The following BTBD9 variants were observed in gnomAD, a reference collection of about 807,000 sequenced individuals.
BTBD9 encodes the protein BTB/POZ domain-containing protein 9.
A neutral mutation model predicts 64.3 loss-of-function variants in BTBD9; 49 were observed. The ratio of observed to expected loss-of-function variants is 0.76; its 90% CI spans 0.61 to 0.97. The LOEUF is 0.97. Ranked by LOEUF, BTBD9 falls within the 50% of genes least tolerant of loss-of-function variation. The probability of loss-of-function intolerance (pLI) is 0.00; values close to 1 mark genes in which losing one functional copy is unlikely to be tolerated. For missense variants in BTBD9, 598 were observed against 762.1 expected (o/e 0.78, Z 2.53); for synonymous variants, 260 against 274.7 (o/e 0.95, Z 0.53).
intron 8 of BTBD9, among the ~76,000 whole-genome samples, chr6:38,269,648 G>A (rs957404741): frequency 6.6e-6 from 1 of 152,102 alleles, no homozygotes; most frequent in South Asian, 2.1e-4. Context: ...CCCAGGCAAA[G>A]GCTCTGCAAA....
chr6:38,256,664 G>C (rs1312730104), intron 8 of BTBD9, 148 bp from the exon 9 acceptor site: 19 of 588,262 alleles, frequency 3.2e-5, no homozygotes, highest in South Asian at 2.6e-4. Flanking sequence ...AGTATGAAGA[G>C]AACAGGCAGA....
At chr6:38,606,403 C>T (rs1242054680) in intron 1 of BTBD9, among the ~76,000 whole-genome samples, 1 of 152,074 alleles carries the variant, frequency 6.6e-6, no homozygotes, top group Non-Finnish European at 1.5e-5. Context: ...GATAATATAA[C>T]ATTGTCAACA....
At position 38,573,863 on chromosome 6, in the gene BTBD9, C is replaced by T. The variant is rs141727460; in HGVS notation, c.1154+3737G>A. On this transcript the variant is annotated intron_variant, in intron 6 of 10. Coordinates refer to ENST00000481247, the MANE Select transcript of BTBD9 (RefSeq NM_001099272.2). ...CTAGTGTTTTCTGTTTAGTACTAGG[C>T]TCGATCATCTAAGAAAGCTGTGGAA... 5.9e-5 allele frequency among the ~76,000 whole-genome samples: 9 copies of T among 152,192 alleles called. No individual in the cohort carries two copies. In the East Asian group the frequency reaches 1.7e-3, roughly 29 times the overall value.
chr6:38,572,675 A>G (rs1443349540), intron 6 of BTBD9, among the ~76,000 whole-genome samples: 1 of 152,172 alleles, frequency 6.6e-6, no homozygotes, highest in East Asian at 1.9e-4. Flanking sequence ...ATGATTATCA[A>G]ATAAATGACT....
chr6:38,585,037 C>T (rs1438849393), intron 4 of BTBD9, among the ~76,000 whole-genome samples: 1 of 151,298 alleles, frequency 6.6e-6, no homozygotes. Context: ...CTGAAAGGGA[C>T]CGTCATCCTA....
Position 38,509,345 on chromosome 6 carries a change from A to G in BTBD9, c.1154+68255T>C, listed in dbSNP as rs1375207581. 2.0e-5 allele frequency among the ~76,000 whole-genome samples: 3 copies of G among 152,238 alleles called. No individual in the cohort carries two copies. In the South Asian group the frequency reaches 6.2e-4, roughly 31 times the overall value. ...AGTTTTTCTTTGCTACTGCTAAACA[A>G]TGTTCTCTTTGCATCAACTATAAGT... On this transcript the variant is annotated intron_variant, in intron 6 of 10. Transcript: ENST00000481247.
At chr6:38,588,381 G>A in intron 4 of BTBD9, 1 of 841,656 alleles carries the variant, frequency 1.2e-6, no homozygotes, top group East Asian at 2.4e-5. Context: ...AACCTAGAAT[G>A]GCTCCAAGCC....
In BTBD9 at chr6:38,597,339, C is replaced by T. The variant is rs1446260978; in HGVS notation, c.185+571G>A. 3.3e-5 allele frequency among the ~76,000 whole-genome samples: 5 copies of T among 152,188 alleles called. No individual in the cohort carries two copies. In the South Asian group the frequency reaches 8.3e-4, roughly 25 times the overall value. ...ATCCATTATCATGCATAAATTATAA[C>T]TCACTCAGTAATTAATTCAGTGATG... On this transcript the variant is annotated intron_variant, in intron 2 of 10. Coordinates refer to ENST00000481247, the MANE Select transcript of BTBD9 (RefSeq NM_001099272.2).
At chr6:38,310,641 G>T (rs12524225) in intron 7 of BTBD9, among the ~76,000 whole-genome samples, 9,437 of 152,098 alleles carry the variant, frequency 0.062, 807 homozygotes, top group East Asian at 0.39. Context: ...ATGAAAAAAT[G>T]GATACAGTAG....
chr6:38,432,884 G>A (rs1224065323), intron 6 of BTBD9, among the ~76,000 whole-genome samples: 1 of 151,956 alleles, frequency 6.6e-6, no homozygotes, highest in African/African-American at 2.4e-5. Context: ...TGCATGGCCA[G>A]CTTCACATTA....
At chr6:38,385,793 ACT>A (rs1491398762) in intron 6 of BTBD9, among the ~76,000 whole-genome samples, 4 of 122,066 alleles carry the variant, frequency 3.3e-5, no homozygotes, top group Non-Finnish European at 6.4e-5. Context: ...ATAATATCAT[ACT>A]TTTTTTTTTT....
chr6:38,601,742 C>A (rs1777247294), intron 1 of BTBD9, among the ~76,000 whole-genome samples: 1 of 151,526 alleles, frequency 6.6e-6, no homozygotes, highest in Non-Finnish European at 1.5e-5. Context: ...GATTAGGAAA[C>A]AAAGAGGCAA....
chr6:38,192,626 T>C (rs748590012), intron 9 of BTBD9, 29 bp from the exon 10 acceptor site: 5 of 1,594,788 alleles, frequency 3.1e-6, no homozygotes, highest in Admixed American at 3.3e-5. Context: ...ATTTGCCTGA[T>C]TAGATGGTGC....
chr6:38,362,075 A>AC (rs1764984891), intron 6 of BTBD9, among the ~76,000 whole-genome samples: 2 of 152,210 alleles, frequency 1.3e-5, no homozygotes, highest in East Asian at 1.9e-4. Flanking sequence ...CCCCAAAAGT[A>AC]CTTCAGGTGT....
intron 1 of BTBD9, among the ~76,000 whole-genome samples, chr6:38,616,901 T>G (rs746137583): frequency 2.0e-5 from 3 of 152,164 alleles, no homozygotes; most frequent in African/African-American, 7.2e-5. Context: ...AGCTTCATTA[T>G]TGAAGTCAGT....
chr6:38,304,803 C>T (rs989862972), intron 7 of BTBD9, among the ~76,000 whole-genome samples: 1 of 151,910 alleles, frequency 6.6e-6, no homozygotes, highest in Non-Finnish European at 1.5e-5. Context: ...GATGCTGACA[C>T]CTGGAAAGAA....
At chr6:38,348,983 A>C (rs1267715892) in intron 6 of BTBD9, among the ~76,000 whole-genome samples, 1 of 152,132 alleles carries the variant, frequency 6.6e-6, no homozygotes, top group African/African-American at 2.4e-5. Flanking sequence ...ATCATGCCTC[A>C]CTGCAGCCTC....
chr6:38,508,085 G>A (rs967764652), intron 6 of BTBD9, among the ~76,000 whole-genome samples: 30 of 151,794 alleles, frequency 2.0e-4, no homozygotes, highest in Admixed American at 1.6e-3. Flanking sequence ...CACCTGTCTC[G>A]GCCTCCCAAA....
chr6:38,205,229 CCTA>C (rs1762594230), intron 9 of BTBD9, among the ~76,000 whole-genome samples: 1 of 152,134 alleles, frequency 6.6e-6, no homozygotes, highest in African/African-American at 2.4e-5. Context: ...GGTTAAAGAT[CCTA>C]CTAAGTAGCC....
Sources: allele counts gnomAD v4.1 joint callset (sites outside exome capture counted in the v4.1 genomes callset), GRCh38; gene constraint gnomAD v4.1.1; transcripts MANE v1.5; gene names NCBI Gene and HGNC (gene_info 2026-07-23, HGNC 2026-07-21).